Variants in ADGRV1 observed in about 807,000 individuals in gnomAD.
ADGRV1 encodes the protein adhesion G protein-coupled receptor V1, also known as G-protein coupled receptor 98.
A neutral mutation model predicts 596.2 loss-of-function variants in ADGRV1; 359 were observed. The observed-to-expected ratio is 0.60, with a 90% CI of 0.55 to 0.66. The LOEUF is 0.66. Among genes scored for constraint, ADGRV1 ranks in the 30% least tolerant of loss-of-function variants. ADGRV1 has a pLI of 0.00. For synonymous variants in ADGRV1, 2,681 were observed against 2,679.2 expected (o/e 1.00, Z -0.02); for missense variants, 7,274 against 7,575.6 (o/e 0.96, Z 1.48).
chr5:90,558,843 G>C lies in ADGRV1; in HGVS notation c.-53G>C, dbSNP rs889969165. 1.9e-6 allele frequency: 3 copies of C among 1,549,846 alleles called. No homozygotes were observed. Among genetic ancestry groups the C allele is most frequent in the Non-Finnish European group, 2.6e-6 (3 of 1,143,026 alleles). On this transcript the variant is annotated 5_prime_UTR_variant, in exon 1 of 90. Coordinates refer to ENST00000405460, the MANE Select transcript of ADGRV1 (RefSeq NM_032119.4). The stretch of plus-strand genomic sequence containing the variant: ...GGGCAAGGAGTACGGACGGGAGTCA[G>C]AGGCAGAGCGAGGGTGTGTGGAGGG...
chr5:91,063,837 A>T (rs1249555380), intron 85 of ADGRV1, among the ~76,000 whole-genome samples: 1 of 151,054 alleles, frequency 6.6e-6, no homozygotes, highest in African/African-American at 2.4e-5. Flanking sequence ...CAGGAGCTCC[A>T]TAGGGGAGCT....
chr5:90,708,260 T>A (rs1272673598), intron 38 of ADGRV1, among the ~76,000 whole-genome samples: 1 of 152,116 alleles, frequency 6.6e-6, no homozygotes, highest in Non-Finnish European at 1.5e-5. Context: ...CTATTAATTT[T>A]AAAGCATTTT....
In ADGRV1 at chr5:90,807,624, T is replaced by C. The variant is rs1157106849; in HGVS notation, c.14859T>C (p.Gly4953=). The C allele has an allele frequency of 6.2e-7, 1 of 1,612,792 alleles. No homozygotes were observed. The highest frequency in any genetic ancestry group is 1.3e-5 in the African/African-American group (1 of 75,042). ...PTLGSLSFSH[G]EQRKGVFLWT... is the part of the protein sequence containing the mutation. ...CAGGGAGCCTTTCATTTTCCCACGG[T>C]GAACAAAGGAAAGGAGTTTTCCTGT... Residue 4953 remains glycine (G), a synonymous_variant, in exon 73 of 90, where the codon GGT becomes GGC. Transcript: ENST00000405460.
At chr5:91,075,909 G>A (rs1581980055) in intron 86 of ADGRV1, among the ~76,000 whole-genome samples, 2 of 152,182 alleles carry the variant, frequency 1.3e-5, no homozygotes, top group South Asian at 4.1e-4. Context: ...ATTCTGACAT[G>A]CCAATCTATT....
intron 42 of ADGRV1, 39 bp downstream of exon 42, chr5:90,712,467 A>G (rs2149723008): frequency 6.8e-7 from 1 of 1,471,198 alleles, no homozygotes; most frequent in Non-Finnish European, 9.3e-7. Context: ...CCTCTCCTTC[A>G]TGCTGGGTTC....
chr5:90,597,300 G>C (rs1484268289), intron 1 of ADGRV1, among the ~76,000 whole-genome samples: 1 of 152,202 alleles, frequency 6.6e-6, no homozygotes, highest in East Asian at 1.9e-4. Context: ...AAGTTGTTCT[G>C]TGGCCATTAT....
chr5:90,976,825 G>T (rs1562032755), intron 84 of ADGRV1, among the ~76,000 whole-genome samples: 1 of 152,132 alleles, frequency 6.6e-6, no homozygotes, highest in Admixed American at 6.5e-5. Context: ...TGTTTTTGCA[G>T]TCTGCTCATC....
intron 58 of ADGRV1, among the ~76,000 whole-genome samples, chr5:90,761,190 T>A (rs1055873875): frequency 8.4e-6 from 1 of 118,444 alleles, no homozygotes; most frequent in Non-Finnish European, 1.7e-5. Context: ...GCTCCAAAAT[T>A]GAAATATAAC....
At chr5:90,684,709 C>T (rs900105627) in intron 28 of ADGRV1, among the ~76,000 whole-genome samples, 1 of 152,064 alleles carries the variant, frequency 6.6e-6, no homozygotes, top group Non-Finnish European at 1.5e-5. Flanking sequence ...CATTTACAAG[C>T]GTCTCACCTC....
In ADGRV1 at chr5:90,753,722, A is replaced by T; in HGVS notation, c.11270A>T (p.Asp3757Val). The change falls in exon 54 of 90, where the codon GAT (aspartate) becomes GTT (valine). Residue 3757 changes from aspartate to valine, a missense_variant. Asp to Val is a radical substitution (Grantham distance 152). Transcript: ENST00000405460. ...GACTCATACAAAGGTGCTACTATTG[A>T]TCAGGACAGAAGCAAGTCTGTTATA... ...VEDSYKGATI[D>V]QDRSKSVITT... is the part of the protein sequence containing the mutation. 1 of 1,613,608 alleles carries T rather than the reference A, an allele frequency of 6.2e-7. No homozygotes were observed. The highest frequency in any genetic ancestry group is 8.5e-7 in the Non-Finnish European group (1 of 1,179,686).
intron 85 of ADGRV1, chr5:91,030,899 G>T: frequency 1.8e-6 from 1 of 551,744 alleles, no homozygotes; most frequent in Non-Finnish European, 3.0e-6. Flanking sequence ...AATTTCCTGA[G>T]ATCTGTGAAG....
chr5:90,906,234 G>A (rs907785193), intron 83 of ADGRV1, among the ~76,000 whole-genome samples: 1 of 151,918 alleles, frequency 6.6e-6, no homozygotes, highest in South Asian at 2.1e-4. Flanking sequence ...GGGTAATATT[G>A]GCCTGATAGA....
intron 6 of ADGRV1, chr5:90,625,692 C>G (rs1166202995): frequency 6.6e-6 from 1 of 152,652 alleles, no homozygotes; most frequent in East Asian, 1.9e-4. Flanking sequence ...GCTCCGCCTC[C>G]AGGGTTCACG....
intron 27 of ADGRV1, among the ~76,000 whole-genome samples, chr5:90,682,292 T>C (rs1745051115): frequency 6.6e-6 from 1 of 152,220 alleles, no homozygotes; most frequent in South Asian, 2.1e-4. Flanking sequence ...GCATACCAGC[T>C]CTTATAGCTT....
rs1747268477 is a variant in ADGRV1 at position 90,696,970 on chromosome 5, TGGATGACTCTGAACCAGA to T, written c.7987_8004del (p.Ser2663_Asp2668del). On this transcript the variant is annotated inframe_deletion, in exon 34 of 90. Coordinates refer to ENST00000405460, the MANE Select transcript of ADGRV1 (RefSeq NM_032119.4). ...AAAAAGACAGTCATTTTAACCATCT[TGGATGACTCTGAACCAGA>T]GGATGACGAAAGTATCATAGTTAGT... 6.2e-7 allele frequency: 1 copy of T among 1,612,552 alleles called. No homozygotes were observed. The highest frequency in any genetic ancestry group is 2.2e-5 in the East Asian group (1 of 44,864).
intron 84 of ADGRV1, among the ~76,000 whole-genome samples, chr5:90,972,781 C>T (rs1388464564): frequency 1.3e-5 from 2 of 151,972 alleles, no homozygotes; most frequent in Non-Finnish European, 2.9e-5. Context: ...GCTAACATCA[C>T]AATTAAAGAA....
At chr5:90,746,846 C>T (rs1754685082) in intron 52 of ADGRV1, among the ~76,000 whole-genome samples, 1 of 152,190 alleles carries the variant, frequency 6.6e-6, no homozygotes, top group African/African-American at 2.4e-5. Flanking sequence ...AGTTATTTAA[C>T]AAATGCCTGT....
chr5:90,853,572 GATTT>G (rs767389650), intron 80 of ADGRV1, 39 bp downstream of exon 80: 14 of 1,575,130 alleles, frequency 8.9e-6, no homozygotes, highest in Admixed American at 7.1e-5. Flanking sequence ...GTTGGAATCT[GATTT>G]ATTTCTTTAG....
chr5:90,774,190 A>C lies in ADGRV1; in HGVS notation c.12290A>C (p.Glu4097Ala). ...LNGTLHFDETESQKTIVLHTL... is the reference protein window; with the variant it reads ...LNGTLHFDETASQKTIVLHTL... ...TGTTTCTGTCATTGGATGTAGACTG[A>C]GTCCCAGAAGACCATTGTGTTGCAC... Residue 4097 changes from glutamate to alanine, a missense_variant, in exon 60 of 90, where the codon GAG becomes GCG. By Grantham distance (107) the Glu-to-Ala change is moderately radical (BLOSUM62 -1). Around this residue, in one of 5 missense-constraint regions of ADGRV1, gnomAD observed 3,643 missense variants for 3,809.2 expected, o/e 0.96. Coordinates refer to ENST00000405460, the MANE Select transcript of ADGRV1 (RefSeq NM_032119.4). 1 of 1,588,248 alleles carries C rather than the reference A, an allele frequency of 6.3e-7. No individual in the cohort carries two copies. The highest frequency in any genetic ancestry group is 8.6e-7 in the Non-Finnish European group (1 of 1,160,006).
Sources: allele counts gnomAD v4.1 joint callset (sites outside exome capture counted in the v4.1 genomes callset), GRCh38; gene constraint gnomAD v4.1.1; regional missense constraint gnomAD v4.1.1; transcripts MANE v1.5; gene names NCBI Gene and HGNC (gene_info 2026-07-23, HGNC 2026-07-21).